Variants in MYO3B observed in about 807,000 individuals in gnomAD.
MYO3B encodes myosin-IIIb.
A neutral mutation model predicts 174.6 loss-of-function variants in MYO3B; 156 were observed. The observed-to-expected ratio is 0.89, with a 90% confidence interval of 0.78 to 1.02. MYO3B has a LOEUF of 1.02. MYO3B is among the 50% of genes least tolerant of loss of function. The pLI, the probability that MYO3B is intolerant of heterozygous loss-of-function variation, is 0.00. For synonymous variants in MYO3B, 563 were observed against 569.1 expected (o/e 0.99, Z 0.15); for missense variants, 1,632 against 1,639.4 (o/e 1.00, Z 0.08).
At chr2:170,497,175 A>G (rs1686903979) in intron 25 of MYO3B, among the ~76,000 whole-genome samples, 2 of 152,236 alleles carry the variant, frequency 1.3e-5, no homozygotes, top group African/African-American at 2.4e-5. Flanking sequence ...GAACATTTGT[A>G]TCTCTGAAGA....
chr2:170,649,430 AT>A (rs1433673904), intron 32 of MYO3B, among the ~76,000 whole-genome samples: 1 of 123,278 alleles, frequency 8.1e-6, no homozygotes, highest in African/African-American at 3.1e-5. Flanking sequence ...AATATATATA[AT>A]ATATTACATA....
chr2:170,199,152 T>C, intron 1 of MYO3B, 56 bp from the exon 2 acceptor site: 1 of 1,219,772 alleles, frequency 8.2e-7, no homozygotes, highest in Non-Finnish European at 1.1e-6. Context: ...GTTTCAAAAG[T>C]CCACTGCCCC....
intron 1 of MYO3B, among the ~76,000 whole-genome samples, chr2:170,194,538 A>G (rs1213989489): frequency 6.6e-6 from 1 of 151,852 alleles, no homozygotes; most frequent in East Asian, 1.9e-4. Context: ...GTTAATATAC[A>G]TGGTTTACAT....
rs778117016 is a variant in MYO3B, at chr2:170,466,575, A to C, written c.2878A>C (p.Asn960His). The change falls in exon 25 of 35, where the codon AAT becomes CAT. Residue 960 changes from asparagine to histidine, a missense_variant. Asn to His is a moderately conservative substitution (Grantham distance 68). Coordinates refer to ENST00000408978, the MANE Select transcript of MYO3B (RefSeq NM_138995.5). ...QPHFVRCIKP[N>H]DDREALQFSR... ...CCACTTTGTGCGCTGCATTAAACCC[A>C]ATGATGACCGAGAGGCCCTGCAGTT... 1.2e-6 allele frequency: 2 copies of C among 1,614,168 alleles called. No individual in the cohort carries two copies. The highest frequency in any genetic ancestry group is 2.2e-5 in the South Asian group (2 of 91,068).
At chr2:170,299,812 G>T (rs910264930) in intron 7 of MYO3B, among the ~76,000 whole-genome samples, 2 of 152,176 alleles carry the variant, frequency 1.3e-5, no homozygotes, top group Admixed American at 1.3e-4. Context: ...GTGGGCAAGG[G>T]CAGTAAGAAA....
chr2:170,507,540 C>T (rs1381832261), intron 28 of MYO3B, among the ~76,000 whole-genome samples: 1 of 152,128 alleles, frequency 6.6e-6, no homozygotes, highest in East Asian at 1.9e-4. Context: ...GCTAGGATTA[C>T]AGACATGCAC....
chr2:170,556,082 G>A (rs1047878443), intron 32 of MYO3B, among the ~76,000 whole-genome samples: 60 of 151,920 alleles, frequency 3.9e-4, no homozygotes, highest in Non-Finnish European at 1.2e-4. Context: ...TGTAATCCCA[G>A]CTACTCAGGA....
In MYO3B at chr2:170,402,829, G is replaced by T. The variant is rs768968188; in HGVS notation, c.2130-19G>T. ...GGTGTTTCCTCCCCTAAAGAGTTTT[G>T]TTCTTCTCTCTCATGCAGTAGTGCA... is the stretch of plus-strand genomic sequence containing the variant. On this transcript the variant is annotated intron_variant, in intron 18 of 34. Coordinates refer to ENST00000408978, the MANE Select transcript of MYO3B (RefSeq NM_138995.5). The T allele has an allele frequency of 7.6e-6, 12 of 1,585,332 alleles. 1 individual carries two copies. The South Asian group carries it at 1.3e-4, about 17-fold the overall frequency.
At chr2:170,267,320 A>T (rs755246071) in intron 7 of MYO3B, among the ~76,000 whole-genome samples, 2 of 152,190 alleles carry the variant, frequency 1.3e-5, no homozygotes, top group Non-Finnish European at 2.9e-5. Context: ...AGGACTGCAC[A>T]AGAGTGGCTT....
At chr2:170,483,472 C>T (rs1685832515) in intron 25 of MYO3B, among the ~76,000 whole-genome samples, 1 of 122,856 alleles carries the variant, frequency 8.1e-6, no homozygotes, top group Admixed American at 7.6e-5. Context: ...CTGCAAGCTC[C>T]GCCTCCCGGG....
chr2:170,522,484 T>C (rs1688733324), intron 30 of MYO3B, among the ~76,000 whole-genome samples: 1 of 152,238 alleles, frequency 6.6e-6, no homozygotes, highest in South Asian at 2.1e-4. Flanking sequence ...TTTTTCTTTC[T>C]CCTTCTGTCT....
At chr2:170,605,001 T>A (rs1694727558) in intron 32 of MYO3B, among the ~76,000 whole-genome samples, 1 of 152,236 alleles carries the variant, frequency 6.6e-6, no homozygotes, top group East Asian at 1.9e-4. Context: ...CTTAGCCAAA[T>A]TTTAAAACAT....
At chr2:170,428,412 A>C (rs2094682685) in intron 22 of MYO3B, among the ~76,000 whole-genome samples, 2 of 152,164 alleles carry the variant, frequency 1.3e-5, no homozygotes, top group Admixed American at 6.5e-5. Context: ...GGGGTCTTTT[A>C]GGAGATATTT....
intron 32 of MYO3B, among the ~76,000 whole-genome samples, chr2:170,639,521 T>C (rs1462200068): frequency 1.3e-5 from 2 of 152,064 alleles, no homozygotes; most frequent in African/African-American, 4.8e-5. Flanking sequence ...GTTTAAAGAC[T>C]CCTAAAAATA....
chr2:170,228,537 G>A (rs1405891296), intron 6 of MYO3B, among the ~76,000 whole-genome samples: 1 of 152,052 alleles, frequency 6.6e-6, no homozygotes, highest in Non-Finnish European at 1.5e-5. Flanking sequence ...TCTGAGAACG[G>A]GACTTAACAC....
rs1438026840 is a variant in MYO3B, at chr2:170,322,228, C to T, written c.750-13157C>T. Among the ~76,000 whole-genome samples, 9 of 151,982 alleles carry T rather than the reference C, an allele frequency of 5.9e-5. No homozygotes were observed. The East Asian group carries it at 1.3e-3, about 23-fold the overall frequency. On this transcript the variant is annotated intron_variant, in intron 7 of 34. Transcript: ENST00000408978. ...GATTGATTTTTGAAAAAGAAATCTA[C>T]GAAATAAACACTTATCTATTAGTCT...
chr2:170,407,939 C>T (rs926999232), intron 22 of MYO3B, 95 bp downstream of exon 22: 24 of 1,433,302 alleles, frequency 1.7e-5, no homozygotes, highest in African/African-American at 7.1e-5. Flanking sequence ...AGGGCTGCAC[C>T]GCTAACATTG....
intron 6 of MYO3B, among the ~76,000 whole-genome samples, chr2:170,228,960 C>CAA (rs539746576): frequency 1.2e-3 from 118 of 98,276 alleles, no homozygotes; most frequent in African/African-American, 3.0e-3. Context: ...ATTCCCTTTA[C>CAA]AAAAAAAAAA....
In MYO3B at chr2:170,540,230, G is replaced by A. The variant is rs533832940; in HGVS notation, c.3576-2676G>A. On this transcript the variant is annotated intron_variant, in intron 30 of 34. Transcript: ENST00000408978. ...TCCCACCTACTTCGGAGTCTGCAGCGGGAGGATCACTTGAGCCCAGGAGTT... is the reference window on the plus strand; with the variant it reads ...TCCCACCTACTTCGGAGTCTGCAGCAGGAGGATCACTTGAGCCCAGGAGTT... Among the ~76,000 whole-genome samples the A allele has an allele frequency of 4.0e-5, 6 of 151,758 alleles. No homozygotes were observed. In the South Asian group the frequency reaches 8.3e-4, roughly 21 times the overall value.
Sources: allele counts gnomAD v4.1 joint callset (sites outside exome capture counted in the v4.1 genomes callset), GRCh38; gene constraint gnomAD v4.1.1; transcripts MANE v1.5; gene names NCBI Gene and HGNC (gene_info 2026-07-23, HGNC 2026-07-21).